The following WWOX variants were observed in gnomAD, a reference collection of about 807,000 sequenced individuals.
WWOX encodes WW domain-containing oxidoreductase.
A neutral mutation model predicts 46.2 loss-of-function variants in WWOX; 69 were observed. The observed-to-expected ratio is 1.49, with a 90% CI of 1.23 to 1.82. WWOX has a LOEUF of 1.82. Among genes scored for constraint, WWOX ranks in the 40% most tolerant of loss-of-function variants. The pLI is 0.00. For missense variants in WWOX, 919 were observed against 542.6 expected, an observed-to-expected ratio of 1.69 and a Z score of -6.89; for synonymous variants, 359 against 202.6, an observed-to-expected ratio of 1.77 and a Z score of -6.56.
intron 5 of WWOX, among the ~76,000 whole-genome samples, chr16:78,190,004 C>G (rs896947000): frequency 6.6e-6 from 1 of 152,154 alleles, no homozygotes; most frequent in Non-Finnish European, 1.5e-5. Context: ...CCAAACCTTT[C>G]CTATTGTGGC....
At chr16:78,568,085 G>A (rs1352720606) in intron 8 of WWOX, among the ~76,000 whole-genome samples, 1 of 152,194 alleles carries the variant, frequency 6.6e-6, no homozygotes, top group Non-Finnish European at 1.5e-5. Context: ...TAGGGCAGAA[G>A]AACGCCGTCG....
intron 5 of WWOX, among the ~76,000 whole-genome samples, chr16:78,324,426 C>T (rs967163443): frequency 6.6e-6 from 1 of 151,994 alleles, no homozygotes; most frequent in African/African-American, 2.4e-5. Flanking sequence ...CCTAGCAATT[C>T]CACTCCTAGG....
chr16:78,714,483 G>A (rs1333403593), intron 8 of WWOX, among the ~76,000 whole-genome samples: 1 of 151,914 alleles, frequency 6.6e-6, no homozygotes, highest in Non-Finnish European at 1.5e-5. Context: ...ATGATACGTG[G>A]GGATGATGGG....
At chr16:79,112,593 T>A (rs917671556) in intron 8 of WWOX, among the ~76,000 whole-genome samples, 7 of 152,220 alleles carry the variant, frequency 4.6e-5, no homozygotes, top group South Asian at 2.1e-4. Flanking sequence ...ATATTTCTGA[T>A]CTTTTCATCT....
intron 8 of WWOX, among the ~76,000 whole-genome samples, chr16:78,509,164 C>G (rs561675676): frequency 1.1e-4 from 17 of 152,312 alleles, no homozygotes; most frequent in African/African-American, 4.1e-4. Context: ...GCTTGCCGGG[C>G]ATGGTGGTTC....
intron 5 of WWOX, among the ~76,000 whole-genome samples, chr16:78,379,478 C>G (rs7195362): frequency 0.091 from 13,894 of 152,190 alleles, 908 homozygotes; most frequent in African/African-American, 0.17. Flanking sequence ...CGACGTGTTC[C>G]TTTATTTCAC....
intron 8 of WWOX, among the ~76,000 whole-genome samples, chr16:78,497,362 TTAG>T (rs1368783200): frequency 3.3e-5 from 5 of 152,166 alleles, no homozygotes; most frequent in Admixed American, 2.0e-4. Context: ...CAGTGTAAAA[TTAG>T]TAGAAGAAAA....
At position 79,212,402 on chromosome 16, in the gene WWOX, C is replaced by T; in HGVS notation, c.*606C>T. 7.0e-6 allele frequency: 3 copies of T among 430,172 alleles called. No homozygotes were observed. The highest frequency in any genetic ancestry group is 1.2e-5 in the Non-Finnish European group (3 of 242,904). The allele number at this position is 430,172 out of a possible 1,614,324, so 26.6% of individuals were successfully genotyped here. ...AACTACCAGGTGGCAAAGTACTTGT[C>T]ATAGACTCCTTTGCTAATGCTATGC... On this transcript the variant is annotated 3_prime_UTR_variant, in exon 9 of 9. Coordinates refer to ENST00000566780, the MANE Select transcript of WWOX (RefSeq NM_016373.4).
intron 8 of WWOX, among the ~76,000 whole-genome samples, chr16:78,560,357 T>A (rs1007052448): frequency 6.6e-6 from 1 of 152,190 alleles, no homozygotes; most frequent in Non-Finnish European, 1.5e-5. Flanking sequence ...AGAATAACAT[T>A]AGTGGCCAGG....
In WWOX at chr16:78,339,002, C is replaced by T. The variant is rs896634171; in HGVS notation, c.517-47858C>T. 4.2e-5 allele frequency among the ~76,000 whole-genome samples: 5 copies of T among 119,854 alleles called. 2 individuals carry two copies. Among genetic ancestry groups the T allele is most frequent in the Admixed American group, 1.6e-4 (2 of 12,216 alleles). The allele number at this position is 119,854 out of a possible 152,430, so 78.6% of individuals were successfully genotyped here. On this transcript the variant is annotated intron_variant, in intron 5 of 8. Coordinates refer to ENST00000566780, the MANE Select transcript of WWOX (RefSeq NM_016373.4). Reference sequence around the variant, plus strand: ...TTAAGTAATTGCATGTAAACTGTTACTTCTTCATTTTCTAGTCTTAGATAT... The same window carrying T: ...TTAAGTAATTGCATGTAAACTGTTATTTCTTCATTTTCTAGTCTTAGATAT...
chr16:78,926,881 C>G (rs548931880), intron 8 of WWOX, among the ~76,000 whole-genome samples: 8 of 152,286 alleles, frequency 5.3e-5, no homozygotes, highest in African/African-American at 1.2e-4. Flanking sequence ...ACTGCAGCCT[C>G]TACTTCCTGG....
chr16:79,156,520 A>G (rs903417671), intron 8 of WWOX, among the ~76,000 whole-genome samples: 2 of 152,178 alleles, frequency 1.3e-5, no homozygotes, highest in Admixed American at 6.5e-5. Flanking sequence ...TTGCCACACC[A>G]AGTAGAAGGT....
At chr16:78,776,407 T>C (rs1288827560) in intron 8 of WWOX, among the ~76,000 whole-genome samples, 1 of 152,182 alleles carries the variant, frequency 6.6e-6, no homozygotes, top group Non-Finnish European at 1.5e-5. Context: ...GGTCAACTCA[T>C]ACCTACTGTT....
At chr16:78,793,838 G>C (rs922239285) in intron 8 of WWOX, among the ~76,000 whole-genome samples, 9 of 152,036 alleles carry the variant, frequency 5.9e-5, no homozygotes, top group Non-Finnish European at 1.3e-4. Context: ...CACGTTGGGA[G>C]GCCGAGGCAG....
At chr16:79,132,563 A>T (rs1019777626) in intron 8 of WWOX, among the ~76,000 whole-genome samples, 1 of 152,020 alleles carries the variant, frequency 6.6e-6, no homozygotes, top group Non-Finnish European at 1.5e-5. Context: ...GATAGCAGCA[A>T]CCTTTCCATT....
chr16:78,571,534 A>G (rs1567652761), intron 8 of WWOX, among the ~76,000 whole-genome samples: 2 of 152,324 alleles, frequency 1.3e-5, no homozygotes, highest in East Asian at 1.9e-4. Flanking sequence ...CCTATAAAGA[A>G]TACCATATTA....
At chr16:78,387,891 G>C (rs536088299) in intron 6 of WWOX, among the ~76,000 whole-genome samples, 10 of 152,074 alleles carry the variant, frequency 6.6e-5, no homozygotes, top group African/African-American at 2.4e-4. Context: ...TGAATGTGGA[G>C]AGCTCTCATA....
chr16:78,462,046 A>G (rs1254995164), intron 8 of WWOX, among the ~76,000 whole-genome samples: 3 of 152,174 alleles, frequency 2.0e-5, no homozygotes, highest in Non-Finnish European at 2.9e-5. Context: ...GTACCTTTTT[A>G]CATATGCACA....
At chr16:78,491,092 C>A (rs1322712050) in intron 8 of WWOX, among the ~76,000 whole-genome samples, 1 of 152,160 alleles carries the variant, frequency 6.6e-6, no homozygotes, top group Admixed American at 6.5e-5. Flanking sequence ...CAGCTGTGCC[C>A]TCTCCCCGAG....
Sources: gnomAD v4.1 joint callset for allele counts (sites outside exome capture counted in the v4.1 genomes callset) on GRCh38, gnomAD v4.1.1 for gene constraint, MANE v1.5 for transcripts, NCBI Gene and HGNC (gene_info 2026-07-23, HGNC 2026-07-21) for gene names.